The following EIF4G3 variants were observed in gnomAD, a reference collection of about 807,000 sequenced individuals.
EIF4G3 encodes the protein eIF-4-gamma 3.
Under a neutral mutation model 186.4 loss-of-function variants are expected in EIF4G3, and 34 were observed. That is an observed-to-expected ratio of 0.18 (90% CI 0.14 to 0.24). EIF4G3 has a LOEUF of 0.24. Among genes scored for constraint, EIF4G3 ranks in the 10% least tolerant of loss-of-function variants. EIF4G3 has a pLI of 1.00. For missense variants in EIF4G3, 1,536 were observed against 1,948.5 expected (o/e 0.79, Z 3.99); for synonymous variants, 673 against 679.5 (o/e 0.99, Z 0.15).
chr1:21,144,969 GC>G (rs1426317551), intron 2 of EIF4G3, among the ~76,000 whole-genome samples: 8 of 152,104 alleles, frequency 5.3e-5, no homozygotes, highest in African/African-American at 1.7e-4. Flanking sequence ...TTTTCTGCTA[GC>G]TAGAGTAATA....
intron 7 of EIF4G3, among the ~76,000 whole-genome samples, chr1:20,984,733 C>A (rs1292261791): frequency 6.6e-6 from 1 of 151,692 alleles, no homozygotes; most frequent in Non-Finnish European, 1.5e-5. Context: ...GGGACTACAG[C>A]CACATGCCAC....
chr1:20,968,200 GTC>G (rs71014138), intron 12 of EIF4G3, among the ~76,000 whole-genome samples: 2 of 148,642 alleles, frequency 1.3e-5, no homozygotes, highest in African/African-American at 2.5e-5. Context: ...TTAAGACAGA[GTC>G]TCTCTCTCTC....
chr1:21,158,725 G>A (rs1287468486), intron 2 of EIF4G3, among the ~76,000 whole-genome samples: 1 of 147,118 alleles, frequency 6.8e-6, no homozygotes. Flanking sequence ...GTATACACAC[G>A]TACATACATA....
At chr1:21,075,703 T>G (rs1314196937) in intron 3 of EIF4G3, among the ~76,000 whole-genome samples, 1 of 150,274 alleles carries the variant, frequency 6.7e-6, no homozygotes, top group East Asian at 2.0e-4. Context: ...TAAAACAGGT[T>G]ATAAGTCAAA....
At chr1:20,983,864 A>C (rs2078833090) in intron 7 of EIF4G3, among the ~76,000 whole-genome samples, 1 of 152,220 alleles carries the variant, frequency 6.6e-6, no homozygotes, top group African/African-American at 2.4e-5. Flanking sequence ...AAAGAAAATG[A>C]ATCCATTAAC....
At chr1:21,058,083 T>C (rs2094652167) in intron 3 of EIF4G3, among the ~76,000 whole-genome samples, 1 of 152,170 alleles carries the variant, frequency 6.6e-6, no homozygotes, top group African/African-American at 2.4e-5. Context: ...TTAAGAGCTA[T>C]CATACATAAA....
At chr1:20,919,473 G>A (rs1460684290) in intron 14 of EIF4G3, among the ~76,000 whole-genome samples, 1 of 152,084 alleles carries the variant, frequency 6.6e-6, no homozygotes, top group African/African-American at 2.4e-5. Flanking sequence ...CCGTAGTGAT[G>A]GGATTACAGG....
chr1:21,046,530 T>C (rs2093899629), intron 4 of EIF4G3, among the ~76,000 whole-genome samples: 1 of 152,230 alleles, frequency 6.6e-6, no homozygotes, highest in Non-Finnish European at 1.5e-5. Context: ...TCAGCTTAGC[T>C]TCTTTCACTT....
chr1:21,176,258 C>T lies in EIF4G3; in HGVS notation c.-355G>A, dbSNP rs1451935328. The stretch of plus-strand genomic sequence containing the variant: ...CCGCCGCCGCCGCCGCCGCCGCCGC[C>T]GCCGCCGCTGCTGCCGCCGCCGGGT... On this transcript the variant is annotated 5_prime_UTR_variant, in exon 2 of 37. Coordinates refer to ENST00000602326, the MANE Select transcript of EIF4G3 (RefSeq NM_001391906.1). The T allele has an allele frequency of 8.0e-6, 3 of 376,190 alleles. No individual in the cohort carries two copies. The highest frequency in any genetic ancestry group is 1.4e-5 in the Non-Finnish European group (3 of 216,710). 23.3% of individuals were successfully genotyped at this position (376,190 alleles called of 1,614,324 possible). A position where few individuals can be genotyped will look rare whatever the true frequency, so the allele number is the denominator to read the frequency against.
chr1:20,854,812 C>T (rs1424246513), intron 26 of EIF4G3, among the ~76,000 whole-genome samples, 166 bp downstream of exon 26: 2 of 151,950 alleles, frequency 1.3e-5, no homozygotes, highest in East Asian at 1.9e-4. Context: ...ATTTAAGGAT[C>T]CTGAGAAAGG....
chr1:20,957,076 G>C (rs1291973343), intron 12 of EIF4G3, among the ~76,000 whole-genome samples: 1 of 152,090 alleles, frequency 6.6e-6, no homozygotes, highest in East Asian at 1.9e-4. Context: ...ACACTGACCT[G>C]ACAAGACAAT....
intron 4 of EIF4G3, among the ~76,000 whole-genome samples, chr1:21,026,869 G>A (rs945445548): frequency 2.0e-5 from 3 of 151,088 alleles, no homozygotes; most frequent in South Asian, 2.1e-4. Context: ...CCCAGGAGGC[G>A]GAGGTTGCAG....
intron 4 of EIF4G3, among the ~76,000 whole-genome samples, chr1:21,015,781 C>T (rs2088820693): frequency 6.9e-6 from 1 of 144,560 alleles, no homozygotes; most frequent in Non-Finnish European, 1.5e-5. Flanking sequence ...AACCCTATCA[C>T]ATGAGAATTC....
intron 14 of EIF4G3, among the ~76,000 whole-genome samples, chr1:20,918,252 C>T (rs970223915): frequency 6.6e-6 from 1 of 152,162 alleles, no homozygotes; most frequent in African/African-American, 2.4e-5. Context: ...CTCTGTGGCT[C>T]AGGCTGGAGT....
At chr1:21,150,876 T>G (rs1038420244) in intron 2 of EIF4G3, among the ~76,000 whole-genome samples, 10 of 152,290 alleles carry the variant, frequency 6.6e-5, no homozygotes, top group Admixed American at 4.6e-4. Flanking sequence ...CTCGGGAGGC[T>G]GAGGCAGAAG....
chr1:20,930,400 T>C (rs1481773112), intron 14 of EIF4G3, among the ~76,000 whole-genome samples: 3 of 152,356 alleles, frequency 2.0e-5, no homozygotes, highest in Non-Finnish European at 4.4e-5. Flanking sequence ...TGTAACATTC[T>C]AAATCCTTTG....
rs1180527906 is a variant in EIF4G3, at chr1:21,108,816, T to C, written c.-271-19603A>G. Among the ~76,000 whole-genome samples the C allele has an allele frequency of 4.2e-5, 6 of 142,164 alleles. No individual in the cohort carries two copies. In the South Asian group the frequency reaches 6.6e-4, roughly 16 times the overall value. 93.3% of individuals were successfully genotyped at this position (142,164 alleles called of 152,430 possible). ...TACTCAGGAGGCTGAGGCAGGAGAA[T>C]CACTTCAACCCGGGAGACAGAGGTC... is the stretch of plus-strand genomic sequence containing the variant. On this transcript the variant is annotated intron_variant, in intron 2 of 36. Transcript: ENST00000602326.
At chr1:20,813,059 GAGA>G in intron 35 of EIF4G3, 96 bp downstream of exon 35, 1 of 800,862 alleles carries the variant, frequency 1.2e-6, no homozygotes, top group Admixed American at 2.3e-5. Flanking sequence ...AGCTACATAG[GAGA>G]AGTTTTGAAA....
At chr1:20,973,296 T>C (rs1461853626) in intron 10 of EIF4G3, among the ~76,000 whole-genome samples, 197 bp from the exon 11 acceptor site, 1 of 152,258 alleles carries the variant, frequency 6.6e-6, no homozygotes, top group Non-Finnish European at 1.5e-5. Context: ...ATATGTAATG[T>C]CTTCAAACAT....
Sources: allele counts gnomAD v4.1 joint callset (sites outside exome capture counted in the v4.1 genomes callset), GRCh38; gene constraint gnomAD v4.1.1; transcripts MANE v1.5; gene names NCBI Gene and HGNC (gene_info 2026-07-23, HGNC 2026-07-21).